The following LGALS8 variants were observed in gnomAD, a reference collection of about 807,000 sequenced individuals.
LGALS8 encodes galectin-8.
LGALS8 carries 30 observed loss-of-function variants against 35.9 expected under a neutral mutation model. The observed-to-expected ratio is 0.83, with a 90% CI of 0.62 to 1.13. LGALS8 has a LOEUF of 1.13. Ranked by LOEUF, LGALS8 falls within the 50% of genes most tolerant of loss-of-function variation. LGALS8 has a pLI of 0.00. For synonymous variants in LGALS8, 138 were observed against 136.1 expected, an observed-to-expected ratio of 1.01 and a Z score of -0.10; for missense variants, 366 against 388.7, an observed-to-expected ratio of 0.94 and a Z score of 0.49.
chr1:236,538,086 C>CA (rs548113542), intron 3 of LGALS8, among the ~76,000 whole-genome samples: 8,768 of 50,034 alleles, frequency 0.18, 1,062 homozygotes, highest in Admixed American at 0.31. Flanking sequence ...GCCTGGGTGA[C>CA]AAAAAAAAAA....
At chr1:236,531,583 C>A (rs532646653) in intron 2 of LGALS8, among the ~76,000 whole-genome samples, 28 of 152,280 alleles carry the variant, frequency 1.8e-4, no homozygotes, top group African/African-American at 3.1e-4. Flanking sequence ...TCTCAGCCTC[C>A]CAAAGTGCTG....
upstream of LGALS8, among the ~76,000 whole-genome samples, chr1:236,522,236 A>C (rs1229589026): frequency 6.6e-6 from 1 of 152,192 alleles, no homozygotes; most frequent in African/African-American, 2.4e-5. Context: ...TTTGCACCTA[A>C]ATATGACTTA....
rs939378089 is a variant in LGALS8 at position 236,548,137 on chromosome 1, C to T, written c.930C>T (p.His310=). The T allele has an allele frequency of 1.2e-6, 2 of 1,613,702 alleles. No homozygotes were observed. The highest frequency in any genetic ancestry group is 8.5e-7 in the Non-Finnish European group (1 of 1,179,792). Residue 310 remains histidine, a synonymous_variant, in exon 10 of 10, where the codon CAC becomes CAT. Coordinates refer to ENST00000366584, the MANE Select transcript of LGALS8 (RefSeq NM_201544.4). ...CGCTGGAAATTAATGGAGACATCCA[C>T]TTACTGGAAGTAAGGAGCTGGTAGC... ...IDTLEINGDI[H]LLEVRSW is the part of the protein sequence containing the mutation.
chr1:236,534,996 G>C (rs950320315), intron 2 of LGALS8, among the ~76,000 whole-genome samples: 1 of 147,834 alleles, frequency 6.8e-6, no homozygotes, highest in African/African-American at 2.5e-5. Flanking sequence ...GGGAGGCAGA[G>C]GTTGCAGTGA....
At chr1:236,529,807 C>G (rs909330857) in intron 2 of LGALS8, among the ~76,000 whole-genome samples, 1 of 151,918 alleles carries the variant, frequency 6.6e-6, no homozygotes, top group Admixed American at 6.5e-5. Context: ...CACCGCCACG[C>G]CCCGCTAATT....
chr1:236,540,056 C>T (rs2799414), intron 4 of LGALS8: 93,103 of 152,296 alleles, frequency 0.61, 29,374 homozygotes, highest in Non-Finnish European at 0.69. Flanking sequence ...GAGGTAGAGA[C>T]TGTTCCTACT....
In LGALS8 at chr1:236,552,139, AGTAGTGTTACT is replaced by A; in HGVS notation, c.*3982_*3992del. 2.9e-6 allele frequency: 4 copies of A among 1,401,404 alleles called. No homozygotes were observed. Among genetic ancestry groups the A allele is most frequent in the Non-Finnish European group, 4.0e-6 (4 of 989,862 alleles). 86.8% of individuals were successfully genotyped at this position (1,401,404 alleles called of 1,614,324 possible). A position where few individuals can be genotyped will look rare whatever the true frequency, so the allele number is the denominator to read the frequency against. The stretch of plus-strand genomic sequence containing the variant: ...GGGATAAAAGAGCAAAGAAATAAAA[AGTAGTGTTACT>A]GTATTTATTATCTTAAGAGCTGTAC... On this transcript the variant is annotated 3_prime_UTR_variant, in exon 10 of 10. Transcript: ENST00000366584.
At chr1:236,530,974 T>C (rs926571055) in intron 2 of LGALS8, among the ~76,000 whole-genome samples, 2 of 152,230 alleles carry the variant, frequency 1.3e-5, no homozygotes, top group Non-Finnish European at 2.9e-5. Flanking sequence ...TCCAAAAGTG[T>C]GTGTGTTGTG....
chr1:236,521,646 G>A (rs1204404290), upstream of LGALS8, among the ~76,000 whole-genome samples: 1 of 151,988 alleles, frequency 6.6e-6, no homozygotes, highest in African/African-American at 2.4e-5. Context: ...TGGGCAACAT[G>A]GTGAAACCTC....
chr1:236,548,268 G>A lies in LGALS8; in HGVS notation c.*107G>A. On this transcript the variant is annotated 3_prime_UTR_variant, in exon 10 of 10. Transcript: ENST00000366584. ...ATTCTATTGTTTATATTGTTAAAAT[G>A]AGCTTGTGCACCATTAGGTCCTGCT... The A allele has an allele frequency of 5.6e-6, 6 of 1,074,440 alleles. No homozygotes were observed. The highest frequency in any genetic ancestry group is 8.1e-6 in the Non-Finnish European group (6 of 737,892). The allele number at this position is 1,074,440 out of a possible 1,614,324, so 66.6% of individuals were successfully genotyped here.
upstream of LGALS8, among the ~76,000 whole-genome samples, chr1:236,521,080 T>C (rs1204604748): frequency 6.6e-6 from 1 of 152,178 alleles, no homozygotes; most frequent in East Asian, 1.9e-4. Flanking sequence ...TCAACTAGAG[T>C]ATAAGCTTCC....
upstream of LGALS8, among the ~76,000 whole-genome samples, chr1:236,521,830 CA>C (rs35210291): frequency 0.11 from 15,199 of 141,882 alleles, 887 homozygotes; most frequent in African/African-American, 0.17. Flanking sequence ...GAGACTGCCT[CA>C]AAAAAAAAAA....
intron 9 of LGALS8, among the ~76,000 whole-genome samples, chr1:236,545,359 A>G (rs1271914659): frequency 6.6e-6 from 1 of 152,224 alleles, no homozygotes; most frequent in Non-Finnish European, 1.5e-5. Context: ...TATTCAAGGA[A>G]AAATACATCA....
chr1:236,547,592 A>G (rs1162834625), intron 9 of LGALS8, among the ~76,000 whole-genome samples: 1 of 152,074 alleles, frequency 6.6e-6, no homozygotes, highest in Non-Finnish European at 1.5e-5. Flanking sequence ...GTTCCAGGCT[A>G]CAGCTGGAAA....
chr1:236,552,117 A>T lies in LGALS8; in HGVS notation c.*3956A>T, dbSNP rs138154441. On this transcript the variant is annotated 3_prime_UTR_variant, in exon 10 of 10. Coordinates refer to ENST00000366584, the MANE Select transcript of LGALS8 (RefSeq NM_201544.4). The stretch of plus-strand genomic sequence containing the variant: ...AAGCAGCAAATCGAACCTGAAAGGG[A>T]TAAAAGAGCAAAGAAATAAAAAGTA... The T allele has an allele frequency of 2.0e-4, 315 of 1,551,974 alleles. No individual in the cohort carries two copies. In the African/African-American group the frequency reaches 2.1e-3, roughly 10 times the overall value.
Position 236,524,501 on chromosome 1 carries a change from C to T in LGALS8, c.-104+440C>T, listed in dbSNP as rs941787357. 3 of 446,890 alleles carry T rather than the reference C, an allele frequency of 6.7e-6. No homozygotes were observed. In the Admixed American group the frequency reaches 7.1e-5, roughly 11 times the overall value. 27.7% of individuals were successfully genotyped at this position (446,890 alleles called of 1,614,324 possible). On this transcript the variant is annotated intron_variant, in intron 1 of 9. Transcript: ENST00000366584. ...AGTGACAGTGGAGTGACCTCCATTG[C>T]GTTCCCTGCCTCTAACACGCTCTTT...
chr1:236,533,883 C>T (rs1031160270), intron 2 of LGALS8, among the ~76,000 whole-genome samples: 1 of 109,606 alleles, frequency 9.1e-6, no homozygotes, highest in Non-Finnish European at 2.1e-5. Context: ...CTCTGCTACT[C>T]TACCAATGCC....
Position 236,544,891 on chromosome 1 carries a change from A to T in LGALS8, c.780A>T (p.Pro260=). 2 of 1,612,610 alleles carry T rather than the reference A, an allele frequency of 1.2e-6. No homozygotes were observed. The highest frequency in any genetic ancestry group is 1.7e-6 in the Non-Finnish European group (2 of 1,179,384). The change falls in exon 9 of 10, where the codon CCA becomes CCT. Residue 260 remains proline, a synonymous_variant. Coordinates refer to ENST00000366584, the MANE Select transcript of LGALS8 (RefSeq NM_201544.4). ...AAGAGAGAAATATTACCTCTTTCCC[A>T]TTTAGTCCTGGGATGTACTTTGAGG... is the stretch of plus-strand genomic sequence containing the variant. ...GEEERNITSF[P]FSPGMYFEMI... is the part of the protein sequence containing the mutation.
rs1662785770 is a variant in LGALS8, at chr1:236,552,283, G to A, written c.*4122G>A. ...AGAATACCAGTTTCACCATTTGGGA[G>A]CTGTTTGTAATATGTGCAACCTTAT... On this transcript the variant is annotated 3_prime_UTR_variant, in exon 10 of 10. Coordinates refer to ENST00000366584, the MANE Select transcript of LGALS8 (RefSeq NM_201544.4). 6.1e-6 allele frequency: 3 copies of A among 491,274 alleles called. No homozygotes were observed. In the East Asian group the frequency reaches 1.0e-4, roughly 16 times the overall value. 30.4% of individuals were successfully genotyped at this position (491,274 alleles called of 1,614,324 possible). A position where few individuals can be genotyped will look rare whatever the true frequency, so the allele number is the denominator to read the frequency against.
Sources: allele counts gnomAD v4.1 joint callset (sites outside exome capture counted in the v4.1 genomes callset), GRCh38; gene constraint gnomAD v4.1.1; transcripts MANE v1.5; gene names NCBI Gene and HGNC (gene_info 2026-07-23, HGNC 2026-07-21).